ENTPD5: variants seen among roughly 807,000 people sequenced by gnomAD.
ENTPD5 encodes nucleoside diphosphate phosphatase ENTPD5.
ENTPD5 carries 49 observed loss-of-function variants against 60.2 expected under a neutral mutation model. The ratio of observed to expected loss-of-function variants is 0.81; its 90% CI spans 0.65 to 1.03. The LOEUF (loss-of-function observed/expected upper bound fraction) is 1.03, where lower values mean the gene tolerates loss of function less well. ENTPD5 is among the 50% of genes least tolerant of loss of function. The pLI is 0.00. For synonymous variants in ENTPD5, 187 were observed against 185.4 expected, an observed-to-expected ratio of 1.01 and a Z score of -0.07; for missense variants, 480 against 507.6, an observed-to-expected ratio of 0.95 and a Z score of 0.52.
chr14:73,987,421 T>TA, intron 4 of ENTPD5, among the ~76,000 whole-genome samples: 1 of 152,158 alleles, frequency 6.6e-6, no homozygotes, highest in Admixed American at 6.6e-5. Flanking sequence ...CATGGTGACT[T>TA]ACACCTATAA....
chr14:74,013,635 A>G (rs2058915796), intron 2 of ENTPD5, among the ~76,000 whole-genome samples: 1 of 151,978 alleles, frequency 6.6e-6, no homozygotes, highest in Non-Finnish European at 1.5e-5. Flanking sequence ...TCCTTTATCA[A>G]TCCCTGCTTG....
chr14:73,974,890 A>C, intron 11 of ENTPD5, 34 bp downstream of exon 11: 1 of 1,570,722 alleles, frequency 6.4e-7, no homozygotes, highest in East Asian at 2.2e-5. Context: ...TGTCACCCTC[A>C]CCATCCCCCC....
intron 5 of ENTPD5, among the ~76,000 whole-genome samples, chr14:73,983,405 T>C (rs2057771032): frequency 6.6e-6 from 1 of 151,944 alleles, no homozygotes; most frequent in African/African-American, 2.4e-5. Context: ...GGTGGATCAT[T>C]TGAGGTCAGG....
chr14:73,967,040 C>T, intron 15 of ENTPD5, 26 bp from the exon 16 acceptor site: 2 of 1,592,340 alleles, frequency 1.3e-6, no homozygotes, highest in Non-Finnish European at 8.6e-7. Context: ...AAAGTCTTCA[C>T]CTTTTCATCC....
rs1027433977 is a variant in ENTPD5, at chr14:73,990,594, G to A, written c.-70-2422C>T. Among the ~76,000 whole-genome samples the A allele has an allele frequency of 3.9e-5, 6 of 152,046 alleles. No individual in the cohort carries two copies. The East Asian group carries it at 5.9e-4, about 15-fold the overall frequency. On this transcript the variant is annotated intron_variant, in intron 3 of 15. Coordinates refer to ENST00000334696, the MANE Select transcript of ENTPD5 (RefSeq NM_001249.5). ...TCCACCTGCCTCAGCCTCCCAAAGTGCTGGGATTCCAGGCATGAGCCACTT... is the reference window on the plus strand; with the variant it reads ...TCCACCTGCCTCAGCCTCCCAAAGTACTGGGATTCCAGGCATGAGCCACTT...
chr14:73,971,588 GT>G (rs1388645655), intron 14 of ENTPD5, among the ~76,000 whole-genome samples: 1 of 152,202 alleles, frequency 6.6e-6, no homozygotes, highest in African/African-American at 2.4e-5. Context: ...CTGTTCACAG[GT>G]GTGATTATAG....
intron 3 of ENTPD5, among the ~76,000 whole-genome samples, chr14:74,000,395 G>A (rs947163782): frequency 4.0e-5 from 6 of 151,856 alleles, no homozygotes; most frequent in African/African-American, 1.5e-4. Flanking sequence ...GGGAGGTGGA[G>A]GTTGCTGTGA....
At chr14:73,969,711 A>ATAT in intron 15 of ENTPD5, among the ~76,000 whole-genome samples, 1 of 129,564 alleles carries the variant, frequency 7.7e-6, no homozygotes, top group Non-Finnish European at 1.7e-5. Flanking sequence ...TCTCAAAAAA[A>ATAT]TAATAATAAA....
In ENTPD5 at chr14:73,966,994, G is replaced by A; in HGVS notation, c.1221C>T (p.Asn407=). Reference sequence around the variant, plus strand: ...CCCCCAAGGCCCAGCCCGTCTCTATGTTGTTCACTTTCTTTGTGAGCTGTT... The same window carrying A: ...CCCCCAAGGCCCAGCCCGTCTCTATATTGTTCACTTTCTTTGTGAGCTGTT... ...TVLQLTKKVN[N]IETGWALGAT... is the part of the protein sequence containing the mutation. Residue 407 remains asparagine (N), a synonymous_variant, in exon 16 of 16, where the codon AAC becomes AAT. Coordinates refer to ENST00000334696, the MANE Select transcript of ENTPD5 (RefSeq NM_001249.5). The A allele has an allele frequency of 6.2e-7, 1 of 1,614,154 alleles. No homozygotes were observed. The highest frequency in any genetic ancestry group is 1.6e-4 in the Middle Eastern group (1 of 6,062).
intron 3 of ENTPD5, among the ~76,000 whole-genome samples, chr14:73,988,840 T>G (rs969757512): frequency 6.6e-6 from 1 of 152,170 alleles, no homozygotes; most frequent in Non-Finnish European, 1.5e-5. Flanking sequence ...TTTATTTTTT[T>G]TGAGACGGAC....
chr14:73,973,127 T>C, intron 12 of ENTPD5, 103 bp from the exon 13 acceptor site: 1 of 1,392,950 alleles, frequency 7.2e-7, no homozygotes, highest in Non-Finnish European at 9.8e-7. Flanking sequence ...AGCAGGAAGG[T>C]CAAGGAAAGC....
rs1410210949 is a variant in ENTPD5 at position 73,976,375 on chromosome 14, G to T, written c.591C>A (p.Thr197=). Residue 197 remains threonine (T), a synonymous_variant, in exon 9 of 16, where the codon ACC becomes ACA. Coordinates refer to ENST00000334696, the MANE Select transcript of ENTPD5 (RefSeq NM_001249.5). ...GGGTGGAGGCTCCCCCTAGGTCCAA[G>T]GTCCCCACAGTCTCCTGTCTGTGGC... ...LHGHRQETVG[T]LDLGGASTQI... 1.2e-6 allele frequency: 2 copies of T among 1,614,044 alleles called. No individual in the cohort carries two copies. Among genetic ancestry groups the T allele is most frequent in the African/African-American group, 2.7e-5 (2 of 74,926 alleles).
chr14:73,960,172 A>C, downstream of ENTPD5: 1 of 988,112 alleles, frequency 1.0e-6, no homozygotes, highest in Non-Finnish European at 1.2e-6. Flanking sequence ...AAGTATTCCT[A>C]GGGAAAGGCC....
At chr14:73,955,746 C>T, downstream of ENTPD5, 2 of 1,612,556 alleles carry the variant, frequency 1.2e-6, no homozygotes, top group Non-Finnish European at 1.7e-6. Context: ...AATATTGTTT[C>T]TGATTGGAGT....
chr14:73,988,885 G>A (rs1344822898), intron 3 of ENTPD5, among the ~76,000 whole-genome samples: 5 of 151,950 alleles, frequency 3.3e-5, no homozygotes, highest in African/African-American at 9.7e-5. Flanking sequence ...ATGCAGTGGC[G>A]CAATCTCAGC....
Position 73,983,089 on chromosome 14 carries a change from G to C in ENTPD5, c.370C>G (p.Pro124Ala). ...SIPRSHWKKT[P>A]VVLKATAGLR... ...CCTGCTGTTGCCTTTAGGACCACTG[G>C]GGTCTTTTTCCAGTGACTTCGGGGG... Residue 124 changes from proline to alanine, a missense_variant, in exon 6 of 16, where the codon CCA (proline) becomes GCA (alanine). By Grantham distance (27) the Pro-to-Ala change is conservative. Coordinates refer to ENST00000334696, the MANE Select transcript of ENTPD5 (RefSeq NM_001249.5). 3.1e-6 allele frequency: 5 copies of C among 1,614,124 alleles called. No homozygotes were observed. Among genetic ancestry groups the C allele is most frequent in the Non-Finnish European group, 4.2e-6 (5 of 1,179,998 alleles).
At chr14:73,987,706 TAAATAA>T (rs1482756865) in intron 4 of ENTPD5, among the ~76,000 whole-genome samples, 174 bp downstream of exon 4, 3 of 151,836 alleles carry the variant, frequency 2.0e-5, no homozygotes, top group Non-Finnish European at 4.4e-5. Flanking sequence ...ACAAAACAAA[TAAATAA>T]AAATAAATAA....
intron 1 of ENTPD5, among the ~76,000 whole-genome samples, chr14:74,017,546 C>G (rs184748483): frequency 6.6e-6 from 1 of 150,700 alleles, no homozygotes; most frequent in Non-Finnish European, 1.5e-5. Flanking sequence ...CCATTGCACT[C>G]CAGCCTGGGC....
At chr14:73,974,667 C>T (rs2057363972) in intron 11 of ENTPD5, among the ~76,000 whole-genome samples, 1 of 152,224 alleles carries the variant, frequency 6.6e-6, no homozygotes, top group African/African-American at 2.4e-5. Context: ...TCTGCAGACA[C>T]TTCAGCTGCC....
Sources: allele counts gnomAD v4.1 joint callset (sites outside exome capture counted in the v4.1 genomes callset), GRCh38; gene constraint gnomAD v4.1.1; transcripts MANE v1.5; gene names NCBI Gene and HGNC (gene_info 2026-07-23, HGNC 2026-07-21).